Variants in HERC4 observed in about 807,000 individuals in gnomAD.
HERC4 encodes the protein HECT and RLD domain containing E3 ubiquitin protein ligase 4.
HERC4 carries 28 observed loss-of-function variants against 124.3 expected under a neutral mutation model. The ratio of observed to expected loss-of-function variants is 0.23; its 90% CI spans 0.17 to 0.31. The LOEUF is 0.31. Among genes scored for constraint, HERC4 ranks in the 10% least tolerant of loss-of-function variants. The pLI is 1.00. For missense variants in HERC4, 713 were observed against 1,229.3 expected (o/e 0.58, Z 6.28); for synonymous variants, 407 against 421.5 (o/e 0.97, Z 0.42).
chr10:68,061,730 A>T (rs1000699602), intron 3 of HERC4, among the ~76,000 whole-genome samples: 7 of 150,930 alleles, frequency 4.6e-5, no homozygotes, highest in Non-Finnish European at 1.5e-5. Flanking sequence ...AATACAAAAA[A>T]ATTAGCCGGG....
intron 2 of HERC4, among the ~76,000 whole-genome samples, 181 bp from the exon 3 acceptor site, chr10:68,073,367 A>G (rs2041661646): frequency 6.6e-6 from 1 of 152,204 alleles, no homozygotes; most frequent in South Asian, 2.1e-4. Flanking sequence ...TGTATCATAC[A>G]GAAATTTTTA....
rs914134862 is a variant in HERC4, at chr10:67,959,248, T to C, written c.1927-2272A>G. ...TCATATATTTTGCTACAGCAGAATA[T>C]TGAAGTAATGAGGTAGAAAATACAT... On this transcript the variant is annotated intron_variant, in intron 16 of 24. Transcript: ENST00000373700. 3.7e-5 allele frequency: 33 copies of C among 894,624 alleles called. No individual in the cohort carries two copies. In the South Asian group the frequency reaches 6.6e-4, roughly 18 times the overall value. The allele number at this position is 894,624 out of a possible 1,614,324, so 55.4% of individuals were successfully genotyped here.
At chr10:68,066,642 A>T (rs538881946) in intron 3 of HERC4, among the ~76,000 whole-genome samples, 2 of 152,350 alleles carry the variant, frequency 1.3e-5, no homozygotes, top group African/African-American at 4.8e-5. Context: ...CAACATAACT[A>T]ATCCAAGTTC....
At chr10:67,980,182 G>C (rs1233409888) in intron 15 of HERC4, among the ~76,000 whole-genome samples, 2 of 151,888 alleles carry the variant, frequency 1.3e-5, no homozygotes, top group Admixed American at 1.3e-4. Context: ...CGCGATCTCG[G>C]CTCACCACAA....
chr10:68,043,736 A>C (rs2039885160), intron 4 of HERC4, among the ~76,000 whole-genome samples: 1 of 152,114 alleles, frequency 6.6e-6, no homozygotes, highest in Non-Finnish European at 1.5e-5. Flanking sequence ...GAATCGCTTG[A>C]AACCAGGAGG....
At position 68,039,280 on chromosome 10, in the gene HERC4, C is replaced by T. The variant is rs555802761; in HGVS notation, c.387-1111G>A. 12 of 1,144,556 alleles carry T rather than the reference C, an allele frequency of 1.0e-5. No homozygotes were observed. In the African/African-American group the frequency reaches 2.0e-4, roughly 19 times the overall value. The allele number at this position is 1,144,556 out of a possible 1,614,324, so 70.9% of individuals were successfully genotyped here. A position where few individuals can be genotyped will look rare whatever the true frequency, so the allele number is the denominator to read the frequency against. On this transcript the variant is annotated intron_variant, in intron 4 of 24. Transcript: ENST00000373700. ...GCAGTGAGCCAAGATCACACCATCG[C>T]ACTCCAGAATGGGCGATAGAGTAAG...
chr10:68,060,775 C>A (rs2133762155), intron 3 of HERC4, among the ~76,000 whole-genome samples: 1 of 152,238 alleles, frequency 6.6e-6, no homozygotes, highest in East Asian at 1.9e-4. Flanking sequence ...ATATAAGGTT[C>A]ATTCCTATTA....
At chr10:67,970,131 G>A (rs1473161343) in intron 15 of HERC4, among the ~76,000 whole-genome samples, 1 of 150,230 alleles carries the variant, frequency 6.7e-6, no homozygotes, top group Non-Finnish European at 1.5e-5. Flanking sequence ...TGTAATGAAG[G>A]TATTTATAGC....
intron 3 of HERC4, among the ~76,000 whole-genome samples, chr10:68,046,040 TA>T (rs1409415022): frequency 4.0e-5 from 6 of 151,864 alleles, no homozygotes; most frequent in African/African-American, 1.5e-4. Flanking sequence ...TTTATTACAC[TA>T]ATATCTCATT....
chr10:67,954,875 TAA>T, intron 18 of HERC4, 86 bp downstream of exon 18: 1 of 1,317,058 alleles, frequency 7.6e-7, no homozygotes, highest in Non-Finnish European at 1.0e-6. Flanking sequence ...TTATTAAGTT[TAA>T]AAGATTCACT....
At chr10:67,974,198 G>A (rs1042666836) in intron 15 of HERC4, among the ~76,000 whole-genome samples, 3 of 151,088 alleles carry the variant, frequency 2.0e-5, no homozygotes, top group Non-Finnish European at 2.9e-5. Context: ...CTCGAGAAAC[G>A]TTTGCCTCAG....
At chr10:67,994,691 CAA>C (rs959007719) in intron 9 of HERC4, 2 of 152,200 alleles carry the variant, frequency 1.3e-5, no homozygotes, top group African/African-American at 2.4e-5. Flanking sequence ...CTCAGCCTCC[CAA>C]AGTGTCAGAA....
chr10:68,010,659 C>T (rs984910370), intron 9 of HERC4: 2 of 1,462,042 alleles, frequency 1.4e-6, no homozygotes, highest in African/African-American at 2.8e-5. Flanking sequence ...TTCCTCCACC[C>T]ACTTCTGCAG....
intron 7 of HERC4, among the ~76,000 whole-genome samples, chr10:68,028,718 G>A (rs1033283436): frequency 1.3e-5 from 2 of 152,120 alleles, no homozygotes; most frequent in Non-Finnish European, 2.9e-5. Flanking sequence ...TAACACTTGC[G>A]ATTCAAAGTA....
At chr10:68,064,513 C>G (rs1251451439) in intron 3 of HERC4, among the ~76,000 whole-genome samples, 3 of 136,608 alleles carry the variant, frequency 2.2e-5, no homozygotes, top group Admixed American at 1.7e-4. Context: ...AAGATGGCAC[C>G]ACTGCACTCC....
intron 23 of HERC4, among the ~76,000 whole-genome samples, chr10:67,931,639 G>A (rs10997879): frequency 6.6e-6 from 1 of 151,978 alleles, no homozygotes; most frequent in East Asian, 2.0e-4. Context: ...TGGCAAGGCT[G>A]GCCTGGAACT....
At chr10:67,947,093 T>C (rs983900908) in intron 19 of HERC4, among the ~76,000 whole-genome samples, 7 of 152,112 alleles carry the variant, frequency 4.6e-5, no homozygotes, top group African/African-American at 9.7e-5. Context: ...TGAAGAAACA[T>C]TGGACTTAAT....
chr10:68,059,504 TATAATATTATATATCATA>T (rs1451754121), intron 3 of HERC4, among the ~76,000 whole-genome samples: 12 of 107,974 alleles, frequency 1.1e-4, no homozygotes, highest in Admixed American at 7.6e-4. Context: ...CATTATATAT[TATAATATTATATATCATA>T]ATAATATTAT....
chr10:67,924,644 G>A (rs1412688580), intron 24 of HERC4, among the ~76,000 whole-genome samples: 3 of 152,156 alleles, frequency 2.0e-5, no homozygotes, highest in Admixed American at 2.0e-4. Context: ...AAAGTATAAG[G>A]ATATGTGTAG....
Sources: gnomAD v4.1 joint callset for allele counts (sites outside exome capture counted in the v4.1 genomes callset) on GRCh38, gnomAD v4.1.1 for gene constraint, MANE v1.5 for transcripts, NCBI Gene and HGNC (gene_info 2026-07-23, HGNC 2026-07-21) for gene names.